KIF1A: variants seen among roughly 807,000 people sequenced by gnomAD.
KIF1A encodes the protein kinesin-like protein KIF1A.
In KIF1A, 46 loss-of-function variants were observed where a neutral mutation model predicts 227.3. The ratio of observed to expected loss-of-function variants is 0.20; its 90% CI spans 0.16 to 0.26. The LOEUF (loss-of-function observed/expected upper bound fraction) is 0.26. Among genes scored for constraint, KIF1A ranks in the 10% least tolerant of loss-of-function variants. The probability of loss-of-function intolerance (pLI) is 1.00; values close to 1 mark genes in which losing one functional copy is unlikely to be tolerated. For missense variants in KIF1A, 1,683 were observed against 2,485.9 expected (o/e 0.68, Z 6.87); for synonymous variants, 1,022 against 1,012.8 (o/e 1.01, Z -0.17).
chr2:240,747,302 A>G lies in KIF1A; in HGVS notation c.2997T>C (p.Asp999=), dbSNP rs1472768318. 1 of 1,613,316 alleles carries G rather than the reference A, an allele frequency of 6.2e-7. No homozygotes were observed. Among genetic ancestry groups the G allele is most frequent in the Admixed American group, 1.7e-5 (1 of 59,998 alleles). The change falls in exon 29 of 49, where the codon GAT becomes GAC. Residue 999 remains aspartate, a synonymous_variant. Coordinates refer to ENST00000498729, the MANE Select transcript of KIF1A (RefSeq NM_001244008.2). ...CCGACTGGCGGACGCCAGAGCCATA[A>G]TCAGGGGCCTCTTCATCGGCTGCAG... is the stretch of plus-strand genomic sequence containing the variant. ...QAISADEEAP[D]YGSGVRQSGT...
Position 240,734,805 on chromosome 2 carries a change from T to A in KIF1A, c.4007+2258A>T, listed in dbSNP as rs3755533. ...GCCGGGCAGCGCAGCGGGAGCGGGG[T>A]GGGGGACAGGCAGAGGGAAGCGGCC... On this transcript the variant is annotated intron_variant, in intron 38 of 48. Coordinates refer to ENST00000498729, the MANE Select transcript of KIF1A (RefSeq NM_001244008.2). 2.4e-6 allele frequency: 3 copies of A among 1,254,128 alleles called. No individual in the cohort carries two copies. The South Asian group carries it at 3.8e-5, about 16-fold the overall frequency. 77.7% of individuals were successfully genotyped at this position (1,254,128 alleles called of 1,614,324 possible). A position where few individuals can be genotyped will look rare whatever the true frequency, so the allele number is the denominator to read the frequency against.
intron 47 of KIF1A, 48 bp downstream of exon 47, chr2:240,718,958 C>T (rs770323253): frequency 6.7e-7 from 1 of 1,494,692 alleles, no homozygotes; most frequent in Non-Finnish European, 9.3e-7. Context: ...TCAGCTCCTG[C>T]CCTGCTAGGG....
At position 240,797,798 on chromosome 2, in the gene KIF1A, G is replaced by A. The variant is rs765795904; in HGVS notation, c.-46C>T. On this transcript the variant is annotated 5_prime_UTR_variant, in exon 2 of 49. Coordinates refer to ENST00000498729, the MANE Select transcript of KIF1A (RefSeq NM_001244008.2). ...ACTCCTCGCAGTAGTGGGAGCCCCAGTGTGGGGGGAACACCTTGGAAAAAA... is the reference window on the plus strand; with the variant it reads ...ACTCCTCGCAGTAGTGGGAGCCCCAATGTGGGGGGAACACCTTGGAAAAAA... The A allele has an allele frequency of 4.0e-6, 5 of 1,238,148 alleles. No homozygotes were observed. The highest frequency in any genetic ancestry group is 2.5e-5 in the South Asian group (2 of 79,434). 76.7% of individuals were successfully genotyped at this position (1,238,148 alleles called of 1,614,324 possible).
At position 240,777,953 on chromosome 2, in the gene KIF1A, CAT is replaced by C. The variant is rs566745553; in HGVS notation, c.883-2029_883-2028del. On this transcript the variant is annotated intron_variant, in intron 10 of 48. Transcript: ENST00000498729. ...ACGCGGTTCCCACGCGGTGCTTCCA[CAT>C]GTCAGTCCCGCACGCTCAAGCACTC... 9.8e-5 allele frequency among the ~76,000 whole-genome samples: 15 copies of C among 152,330 alleles called. No homozygotes were observed. The South Asian group carries it at 2.5e-3, about 25-fold the overall frequency.
In KIF1A at chr2:240,725,531, G is replaced by C; in HGVS notation, c.4123-127C>G. 2.0e-6 allele frequency: 2 copies of C among 1,004,736 alleles called. No homozygotes were observed. The highest frequency in any genetic ancestry group is 2.9e-6 in the Non-Finnish European group (2 of 692,180). The allele number at this position is 1,004,736 out of a possible 1,614,324, so 62.2% of individuals were successfully genotyped here. A position where few individuals can be genotyped will look rare whatever the true frequency, so the allele number is the denominator to read the frequency against. On this transcript the variant is annotated intron_variant, in intron 39 of 48. Coordinates refer to ENST00000498729, the MANE Select transcript of KIF1A (RefSeq NM_001244008.2). The surrounding 1 kb of genome is among the most constrained non-coding windows in gnomAD (Gnocchi z 5.8). ...GCCCCAGGGCCTTCCCAGGGCCTCA[G>C]GTGTGGCCTGGACGCAGGCAGGAGA...
chr2:240,772,205 C>G (rs966577077), intron 14 of KIF1A, among the ~76,000 whole-genome samples: 1 of 152,198 alleles, frequency 6.6e-6, no homozygotes, highest in Non-Finnish European at 1.5e-5. Flanking sequence ...CCTCCTGGCC[C>G]TTTGGTGCTG....
intron 31 of KIF1A, 52 bp from the exon 32 acceptor site, chr2:240,745,569 C>T (rs1375282124): frequency 2.0e-6 from 3 of 1,534,468 alleles, no homozygotes; most frequent in African/African-American, 1.4e-5. Context: ...TGGGATGAGA[C>T]CTTACCAGGT....
At position 240,783,763 on chromosome 2, in the gene KIF1A, C is replaced by T. The variant is rs774916700; in HGVS notation, c.774G>A (p.Thr258=). 208 of 1,582,704 alleles carry T rather than the reference C, an allele frequency of 1.3e-4. No homozygotes were observed. Among genetic ancestry groups the T allele is most frequent in the South Asian group, 2.4e-4 (21 of 86,246 alleles). Reference sequence around the variant, plus strand: ...CCTTGAGGCGCGTGCCCTTGGCTCCCGTGGAGTCAGCCCGCTCGCTCCCAG... The same window carrying T: ...CCTTGAGGCGCGTGCCCTTGGCTCCTGTGGAGTCAGCCCGCTCGCTCCCAG... ...DLAGSERADS[T]GAKGTRLKEG... The change falls in exon 8 of 49, where the codon ACG becomes ACA. Residue 258 remains threonine (T), a synonymous_variant. Transcript: ENST00000498729.
At chr2:240,782,775 GC>G (rs1177105766) in intron 9 of KIF1A, among the ~76,000 whole-genome samples, 168 bp from the exon 10 acceptor site, 1 of 152,254 alleles carries the variant, frequency 6.6e-6, no homozygotes, top group East Asian at 1.9e-4. Flanking sequence ...CTCCAGGGCC[GC>G]CCTTCCCGGG....
chr2:240,734,707 C>T lies in KIF1A; in HGVS notation c.4007+2356G>A, dbSNP rs756829932. On this transcript the variant is annotated intron_variant, in intron 38 of 48. Transcript: ENST00000498729. ...ATGAAACCAAGGGTAAACCAAGGGT[C>T]ACAGATGATACCTAGGTATGTCCGA... 4 of 1,304,270 alleles carry T rather than the reference C, an allele frequency of 3.1e-6. No individual in the cohort carries two copies. The South Asian group carries it at 3.7e-5, about 12-fold the overall frequency. The allele number at this position is 1,304,270 out of a possible 1,614,324, so 80.8% of individuals were successfully genotyped here.
chr2:240,724,444 G>C lies in KIF1A; in HGVS notation c.4257-408C>G, dbSNP rs892050465. 3 of 260,958 alleles carry C rather than the reference G, an allele frequency of 1.1e-5. No individual in the cohort carries two copies. The South Asian group carries it at 1.3e-4, about 11-fold the overall frequency. 16.2% of individuals were successfully genotyped at this position (260,958 alleles called of 1,614,324 possible). A position where few individuals can be genotyped will look rare whatever the true frequency, so the allele number is the denominator to read the frequency against. ...CCCGGACAGATTCTGAGAGCACCTC[G>C]GCCACCCTCCCACAGACAGGTCGGT... On this transcript the variant is annotated intron_variant, in intron 40 of 48. Transcript: ENST00000498729.
At chr2:240,759,144 AGTGTGTGTGTGT>A (rs35848053) in intron 25 of KIF1A, among the ~76,000 whole-genome samples, 2 of 148,694 alleles carry the variant, frequency 1.3e-5, no homozygotes, top group Non-Finnish European at 3.0e-5. Flanking sequence ...AATGCTTATG[AGTGTGTGTGTGT>A]GTGTGTGTGT....
rs146143827 is a variant in KIF1A at position 240,778,233 on chromosome 2, G to T, written c.883-2307C>A. Among the ~76,000 whole-genome samples, 1 of 152,086 alleles carries T rather than the reference G, an allele frequency of 6.6e-6. No homozygotes were observed. Among genetic ancestry groups the T allele is most frequent in the Non-Finnish European group, 1.5e-5 (1 of 67,992 alleles). ...TCAAGTTTCCCCACAAGTTCCACAC[G>T]CAATTCTGTCACAGTTCTCTGTGGA... On this transcript the variant is annotated intron_variant, in intron 10 of 48. Transcript: ENST00000498729. The surrounding 1 kb of genome is among the most constrained non-coding windows in gnomAD (Gnocchi z 7.2).
chr2:240,722,082 G>A (rs149886464), intron 43 of KIF1A, among the ~76,000 whole-genome samples, 198 bp from the exon 44 acceptor site: 7 of 152,292 alleles, frequency 4.6e-5, no homozygotes, highest in Middle Eastern at 3.4e-3. Context: ...GTCAGGCACC[G>A]GCTGAGGGCC....
At chr2:240,762,497 G>A (rs566510694) in intron 23 of KIF1A, among the ~76,000 whole-genome samples, 28 of 152,236 alleles carry the variant, frequency 1.8e-4, no homozygotes, top group Admixed American at 9.2e-4. Context: ...ACGCCAGTGC[G>A]TGAGTGTGCA....
rs201418175 is a variant in KIF1A at position 240,719,920 on chromosome 2, C to T, written c.4875G>A (p.Pro1625=). The change falls in exon 46 of 49, where the codon CCG becomes CCA. Residue 1625 remains proline (P), a synonymous_variant. Coordinates refer to ENST00000498729, the MANE Select transcript of KIF1A (RefSeq NM_001244008.2). Reference sequence around the variant, plus strand: ...GGCTGGCTGGCCGGGAGCAGGGCTGCGGGGTCCTGGGAAGCAGAGGGAAGT... The same window carrying T: ...GGCTGGCTGGCCGGGAGCAGGGCTGTGGGGTCCTGGGAAGCAGAGGGAAGT... ...GRYGATDLRT[P]QPCSRPASPE... 5.2e-4 allele frequency: 839 copies of T among 1,608,104 alleles called. 1 individual carries two copies. The highest frequency in any genetic ancestry group is 1.1e-3 in the East Asian group (48 of 44,800).
Position 240,736,390 on chromosome 2 carries a change from G to A in KIF1A, c.4007+673C>T, listed in dbSNP as rs566242502. Reference sequence around the variant, plus strand: ...CAGCGTCTGGGACGCAGTGGAGCCCGCGGGACGTCCCCACCCACCAGGGCT... The same window carrying A: ...CAGCGTCTGGGACGCAGTGGAGCCCACGGGACGTCCCCACCCACCAGGGCT... On this transcript the variant is annotated intron_variant, in intron 38 of 48. Coordinates refer to ENST00000498729, the MANE Select transcript of KIF1A (RefSeq NM_001244008.2). The surrounding 1 kb of genome is among the most constrained non-coding windows in gnomAD (Gnocchi z 4.7). Among the ~76,000 whole-genome samples, 2 of 151,978 alleles carry A rather than the reference G, an allele frequency of 1.3e-5. No individual in the cohort carries two copies. Among genetic ancestry groups the A allele is most frequent in the South Asian group, 2.1e-4 (1 of 4,814 alleles).
At chr2:240,777,265 C>T (rs570266613) in intron 10 of KIF1A, among the ~76,000 whole-genome samples, 21 of 152,256 alleles carry the variant, frequency 1.4e-4, no homozygotes, top group East Asian at 1.9e-4. Flanking sequence ...AGGATGGTCT[C>T]GATCTCTTGA....
chr2:240,793,713 G>C lies in KIF1A; in HGVS notation c.106+3934C>G, dbSNP rs1388618246. ...TCAAATGAAGAGGATTATTTATGCAGGTGATGATTACGGGATAACAGTTAA... is the reference window on the plus strand; with the variant it reads ...TCAAATGAAGAGGATTATTTATGCACGTGATGATTACGGGATAACAGTTAA... On this transcript the variant is annotated intron_variant, in intron 2 of 48. Coordinates refer to ENST00000498729, the MANE Select transcript of KIF1A (RefSeq NM_001244008.2). The surrounding 1 kb of genome is among the most constrained non-coding windows in gnomAD (Gnocchi z 4.8). Among the ~76,000 whole-genome samples the C allele has an allele frequency of 6.6e-6, 1 of 152,228 alleles. No individual in the cohort carries two copies. Among genetic ancestry groups the C allele is most frequent in the South Asian group, 2.1e-4 (1 of 4,830 alleles).
Sources: gnomAD v4.1 joint callset for allele counts (sites outside exome capture counted in the v4.1 genomes callset) on GRCh38, gnomAD v4.1.1 for gene constraint, Gnocchi (gnomAD v3.1) non-coding constraint, MANE v1.5 for transcripts, NCBI Gene and HGNC (gene_info 2026-07-23, HGNC 2026-07-21) for gene names.